The following SERGEF variants were observed in gnomAD, a reference collection of about 807,000 sequenced individuals.
SERGEF encodes secretion regulating guanine nucleotide exchange factor.
A neutral mutation model predicts 50.0 loss-of-function variants in SERGEF; 51 were observed. The observed-to-expected ratio is 1.02, with a 90% confidence interval of 0.81 to 1.29. SERGEF has a LOEUF of 1.29. Ranked by LOEUF, SERGEF falls within the 50% of genes most tolerant of loss-of-function variation. The pLI is 0.00. For missense variants in SERGEF, 521 were observed against 557.0 expected (o/e 0.94, Z 0.65); for synonymous variants, 205 against 212.4 (o/e 0.97, Z 0.30).
In SERGEF at chr11:17,916,866, G is replaced by A. The variant is rs74527524; in HGVS notation, c.1012-38622C>T. On this transcript the variant is annotated intron_variant, in intron 9 of 10. Coordinates refer to ENST00000265965, the MANE Select transcript of SERGEF (RefSeq NM_012139.4). The stretch of plus-strand genomic sequence containing the variant: ...ATCCCTGTTATCCCCCTAGCACAAC[G>A]GTTCTCAAAGTGTGGTCCCTAAATC... 1.4e-3 allele frequency among the ~76,000 whole-genome samples: 212 copies of A among 152,234 alleles called. 1 individual carries two copies. The highest frequency in any genetic ancestry group is 0.01 in the Middle Eastern group (3 of 294).
At chr11:17,985,881 T>C (rs1853584007) in intron 8 of SERGEF, among the ~76,000 whole-genome samples, 1 of 152,230 alleles carries the variant, frequency 6.6e-6, no homozygotes. Context: ...ACTATTAACA[T>C]TTGAAGCTAG....
intron 9 of SERGEF, among the ~76,000 whole-genome samples, chr11:17,905,638 G>A (rs1851825982): frequency 6.6e-6 from 1 of 152,180 alleles, no homozygotes; most frequent in African/African-American, 2.4e-5. Flanking sequence ...GAGCTCACAT[G>A]ACAGGAGTCA....
chr11:17,898,941 G>A (rs1291173641), intron 9 of SERGEF, among the ~76,000 whole-genome samples: 1 of 152,128 alleles, frequency 6.6e-6, no homozygotes, highest in Non-Finnish European at 1.5e-5. Flanking sequence ...CCCTCTCGGT[G>A]CTATTCTCAT....
At chr11:17,920,546 A>G (rs528555825) in intron 9 of SERGEF, among the ~76,000 whole-genome samples, 1 of 152,320 alleles carries the variant, frequency 6.6e-6, no homozygotes, top group East Asian at 1.9e-4. Context: ...GGCTGAGAGG[A>G]GGAATGCAAC....
chr11:17,846,800 A>C (rs545093136), intron 10 of SERGEF: 1 of 455,946 alleles, frequency 2.2e-6, no homozygotes, highest in Admixed American at 2.3e-5. Context: ...TTGAACCCAG[A>C]ATGGTGGCTG....
At chr11:17,869,764 G>T (rs1851103606) in intron 10 of SERGEF, among the ~76,000 whole-genome samples, 1 of 152,132 alleles carries the variant, frequency 6.6e-6, no homozygotes, top group Non-Finnish European at 1.5e-5. Context: ...GCAAGGCAAA[G>T]GATATTGAGG....
intron 9 of SERGEF, among the ~76,000 whole-genome samples, chr11:17,958,964 GTTCAAGCAA>G (rs1467156877): frequency 1.3e-5 from 2 of 152,102 alleles, no homozygotes; most frequent in Non-Finnish European, 2.9e-5. Flanking sequence ...TGCCTCCTGA[GTTCAAGCAA>G]TTCTCCTGCC....
At chr11:17,977,765 C>T (rs949672213) in intron 8 of SERGEF, among the ~76,000 whole-genome samples, 8 of 152,176 alleles carry the variant, frequency 5.3e-5, no homozygotes, top group Non-Finnish European at 1.0e-4. Flanking sequence ...CCCCAGAGAG[C>T]TCCTTTACTT....
Position 17,888,592 on chromosome 11 carries a change from G to A in SERGEF, c.1012-10348C>T, listed in dbSNP as rs1851473145. Among the ~76,000 whole-genome samples the A allele has an allele frequency of 6.7e-6, 1 of 150,018 alleles. No individual in the cohort carries two copies. Among genetic ancestry groups the A allele is most frequent in the Admixed American group, 6.7e-5 (1 of 15,014 alleles). On this transcript the variant is annotated intron_variant, in intron 9 of 10. Transcript: ENST00000265965. The surrounding 1 kb of genome is among the most constrained non-coding windows in gnomAD (Gnocchi z 4.1). ...CAAAGAGAAACCCTGTGGATATCAG[G>A]TTAGAATTAGAGTTATCAGTATGAA...
At chr11:17,923,005 A>G (rs549781112) in intron 9 of SERGEF, among the ~76,000 whole-genome samples, 22 of 152,298 alleles carry the variant, frequency 1.4e-4, no homozygotes, top group African/African-American at 4.8e-4. Context: ...AAATCTGGGT[A>G]ATGACCACGG....
intron 8 of SERGEF, among the ~76,000 whole-genome samples, chr11:17,977,019 G>A (rs1434743337): frequency 6.6e-6 from 1 of 152,246 alleles, no homozygotes; most frequent in Non-Finnish European, 1.5e-5. Context: ...AAGGTAGGAA[G>A]AGGGCAGGGC....
intron 8 of SERGEF, among the ~76,000 whole-genome samples, chr11:17,986,488 C>T (rs1291857918): frequency 6.6e-6 from 1 of 152,214 alleles, no homozygotes; most frequent in African/African-American, 2.4e-5. Flanking sequence ...AGGCAGAAAC[C>T]TGACGCTGAG....
At chr11:17,852,497 C>G (rs550971768) in intron 10 of SERGEF, among the ~76,000 whole-genome samples, 1 of 152,314 alleles carries the variant, frequency 6.6e-6, no homozygotes, top group Admixed American at 6.5e-5. Context: ...ACACACCACC[C>G]CACTTCACCC....
intron 9 of SERGEF, among the ~76,000 whole-genome samples, chr11:17,917,446 A>G (rs1216839893): frequency 6.6e-6 from 1 of 152,218 alleles, no homozygotes; most frequent in East Asian, 1.9e-4. Flanking sequence ...GATGGATACA[A>G]GACTGCAAAT....
At chr11:17,940,010 T>G (rs1419167135) in intron 9 of SERGEF, among the ~76,000 whole-genome samples, 3 of 152,192 alleles carry the variant, frequency 2.0e-5, no homozygotes, top group Admixed American at 1.3e-4. Flanking sequence ...ACATGTTTAT[T>G]ACAGAGGAAA....
At chr11:17,807,682 C>T (rs1849788514) in intron 10 of SERGEF, among the ~76,000 whole-genome samples, 1 of 152,214 alleles carries the variant, frequency 6.6e-6, no homozygotes, top group African/African-American at 2.4e-5. Context: ...CACTGATTAC[C>T]CTAATTCCAC....
intron 10 of SERGEF, among the ~76,000 whole-genome samples, chr11:17,826,196 C>T (rs76057854): frequency 0.01 from 1,545 of 152,324 alleles, 19 homozygotes; most frequent in Middle Eastern, 0.017. Context: ...AAGGTAGATG[C>T]TATTCAAGAA....
At chr11:17,974,138 C>T (rs1853316864) in intron 8 of SERGEF, among the ~76,000 whole-genome samples, 1 of 152,138 alleles carries the variant, frequency 6.6e-6, no homozygotes, top group South Asian at 2.1e-4. Flanking sequence ...CAGGATGGGA[C>T]GGCCACCTTT....
At chr11:17,789,404 A>G (rs536611713) in intron 10 of SERGEF, among the ~76,000 whole-genome samples, 2 of 152,344 alleles carry the variant, frequency 1.3e-5, no homozygotes, top group African/African-American at 2.4e-5. Flanking sequence ...TTGGTGCTCA[A>G]CAGGTGTTTA....
Sources: allele counts gnomAD v4.1 joint callset (sites outside exome capture counted in the v4.1 genomes callset), GRCh38; gene constraint gnomAD v4.1.1; non-coding constraint Gnocchi (gnomAD v3.1); transcripts MANE v1.5; gene names NCBI Gene and HGNC (gene_info 2026-07-23, HGNC 2026-07-21).